The following ADCY7 variants were observed in gnomAD, a reference collection of about 807,000 sequenced individuals.
ADCY7 encodes the protein adenylate cyclase type 7.
ADCY7 carries 72 observed loss-of-function variants against 120.6 expected under a neutral mutation model. That is an observed-to-expected ratio of 0.60 (90% CI 0.49 to 0.73). ADCY7 has a LOEUF of 0.73. Ranked by LOEUF, ADCY7 falls within the 30% of genes least tolerant of loss-of-function variation. ADCY7 has a pLI of 0.00. For synonymous variants in ADCY7, 661 were observed against 628.0 expected (o/e 1.05, Z -0.78); for missense variants, 1,227 against 1,486.0 (o/e 0.83, Z 2.87).
At chr16:50,282,524 G>C (rs1426737528) in intron 1 of ADCY7, among the ~76,000 whole-genome samples, 3 of 152,190 alleles carry the variant, frequency 2.0e-5, no homozygotes, top group African/African-American at 7.2e-5. Context: ...TCGCTGGCCT[G>C]AACTTGCTCC....
At chr16:50,314,941 C>A in intron 24 of ADCY7, 73 bp from the exon 25 acceptor site, 1 of 1,582,590 alleles carries the variant, frequency 6.3e-7, no homozygotes, top group South Asian at 1.2e-5. Context: ...GGTATGGATT[C>A]TCTGGCCTCC....
chr16:50,248,627 C>T (rs2032661588), intron 1 of ADCY7, among the ~76,000 whole-genome samples: 2 of 152,256 alleles, frequency 1.3e-5, no homozygotes, highest in East Asian at 1.9e-4. Flanking sequence ...CTTATTTAGT[C>T]GTGCTTTCTG....
chr16:50,278,849 G>A lies in ADCY7; in HGVS notation c.-268-9063G>A, dbSNP rs577983882. Among the ~76,000 whole-genome samples the A allele has an allele frequency of 1.4e-4, 20 of 145,082 alleles. No homozygotes were observed. In the East Asian group the frequency reaches 3.5e-3, roughly 26 times the overall value. On this transcript the variant is annotated intron_variant, in intron 1 of 25. Coordinates refer to ENST00000673801, the MANE Select transcript of ADCY7 (RefSeq NM_001114.5). Reference sequence around the variant, plus strand: ...CTGGGTTGCATCTGTCCATGGGCCCGTGAAATGGATCTCTCTCTCTCTCTC... The same window carrying A: ...CTGGGTTGCATCTGTCCATGGGCCCATGAAATGGATCTCTCTCTCTCTCTC...
intron 1 of ADCY7, among the ~76,000 whole-genome samples, chr16:50,261,116 A>G (rs945899624): frequency 2.6e-5 from 4 of 152,180 alleles, no homozygotes; most frequent in Non-Finnish European, 5.9e-5. Flanking sequence ...GGACCACCTG[A>G]GTCTCACACC....
At chr16:50,307,625 C>T (rs367775938) in intron 15 of ADCY7, among the ~76,000 whole-genome samples, 224 of 152,248 alleles carry the variant, frequency 1.5e-3, no homozygotes, top group African/African-American at 5.1e-3. Flanking sequence ...GATCTAAGGT[C>T]AGCTACTTGG....
At position 50,315,569 on chromosome 16, in the gene ADCY7, G is replaced by A; in HGVS notation, c.*64G>A. On this transcript the variant is annotated 3_prime_UTR_variant, in exon 26 of 26. Coordinates refer to ENST00000673801, the MANE Select transcript of ADCY7 (RefSeq NM_001114.5). ...CTCCTTCCCTGAAGCAAGCCCAGGA[G>A]AAGACTCTCCGCCCCACGCCAATCC... 6.3e-7 allele frequency: 1 copy of A among 1,580,152 alleles called. No homozygotes were observed.
chr16:50,290,663 A>G lies in ADCY7; in HGVS notation c.375+3A>G. On this transcript the variant is annotated splice_donor_region_variant and intron_variant, in intron 3 of 25. Transcript: ENST00000673801. ...AGGCGGCCTGTGCGTGGGAGCAGGT[A>G]ACAGGAACTCTGGACTCCCTGCCAG... 2 of 1,611,060 alleles carry G rather than the reference A, an allele frequency of 1.2e-6. No individual in the cohort carries two copies. The highest frequency in any genetic ancestry group is 1.7e-6 in the Non-Finnish European group (2 of 1,177,864).
At chr16:50,274,183 GTTTTTTGGCC>G (rs938416840) in intron 1 of ADCY7, 1 of 152,232 alleles carries the variant, frequency 6.6e-6, no homozygotes, top group Non-Finnish European at 1.5e-5. Context: ...CTCTAGAGGC[GTTTTTTGGCC>G]AAGGGGTGAG....
Position 50,314,122 on chromosome 16 carries a change from CCTTA to C in ADCY7, c.2856+65_2856+68del, listed in dbSNP as rs571243078. 329 of 1,538,244 alleles carry C rather than the reference CCTTA, an allele frequency of 2.1e-4. No individual in the cohort carries two copies. The South Asian group carries it at 2.8e-3, about 13-fold the overall frequency. On this transcript the variant is annotated intron_variant, in intron 23 of 25. Transcript: ENST00000673801. The stretch of plus-strand genomic sequence containing the variant: ...GTCCTCACTTAAAGGTGACCTGTCA[CCTTA>C]CTTAAAGGGTGTGCCCTTATCTCGT...
chr16:50,303,234 C>T (rs566811356), intron 10 of ADCY7, among the ~76,000 whole-genome samples: 157 of 152,294 alleles, frequency 1.0e-3, no homozygotes, highest in Admixed American at 1.4e-3. Flanking sequence ...AGGGCCAGCG[C>T]GCTCTTCCTG....
intron 17 of ADCY7, among the ~76,000 whole-genome samples, 197 bp from the exon 18 acceptor site, chr16:50,309,351 C>G (rs943987376): frequency 1.3e-5 from 2 of 152,268 alleles, no homozygotes; most frequent in Non-Finnish European, 2.9e-5. Context: ...ACCCTCATCT[C>G]CTAGCCCCTC....
intron 10 of ADCY7, among the ~76,000 whole-genome samples, chr16:50,303,250 G>T (rs2035849281): frequency 6.6e-6 from 1 of 152,146 alleles, no homozygotes; most frequent in Non-Finnish European, 1.5e-5. Flanking sequence ...TCCTGCTCTG[G>T]GACACTCACC....
chr16:50,311,805 C>T lies in ADCY7; in HGVS notation c.2448+19C>T, dbSNP rs187135669. ...CAGACAGGTAAGGAGGCTGGCCCCC[C>T]CCCCCCCCCCAAGCTCTGCCCACTT... On this transcript the variant is annotated intron_variant, in intron 20 of 25. Coordinates refer to ENST00000673801, the MANE Select transcript of ADCY7 (RefSeq NM_001114.5). The T allele has an allele frequency of 4.5e-5, 59 of 1,310,612 alleles. No individual in the cohort carries two copies. The South Asian group carries it at 6.3e-4, about 14-fold the overall frequency. The allele number at this position is 1,310,612 out of a possible 1,614,324, so 81.2% of individuals were successfully genotyped here.
chr16:50,260,110 C>T (rs1054881661), intron 1 of ADCY7, among the ~76,000 whole-genome samples: 2 of 152,232 alleles, frequency 1.3e-5, no homozygotes, highest in African/African-American at 2.4e-5. Context: ...GTCAGCCCTG[C>T]TCTGTCCTCC....
chr16:50,258,302 A>C (rs1467631517), intron 1 of ADCY7, among the ~76,000 whole-genome samples: 1 of 152,102 alleles, frequency 6.6e-6, no homozygotes, highest in Non-Finnish European at 1.5e-5. Context: ...ATGTTTCTTC[A>C]GTTTTTCATC....
intron 21 of ADCY7, 108 bp from the exon 22 acceptor site, chr16:50,312,782 A>C (rs2036558817): frequency 5.4e-5 from 38 of 700,512 alleles, no homozygotes; most frequent in Non-Finnish European, 7.0e-5. Context: ...CCACTCCCCG[A>C]AAGCTGGGCT....
Position 50,301,192 on chromosome 16 carries a change from C to T in ADCY7, c.1346C>T (p.Thr449Ile). 6.2e-7 allele frequency: 1 copy of T among 1,605,446 alleles called. No homozygotes were observed. Among genetic ancestry groups the T allele is most frequent in the Non-Finnish European group, 8.5e-7 (1 of 1,176,098 alleles). The change falls in exon 10 of 26, where the codon ACC (threonine) becomes ATC (isoleucine). Residue 449 changes from threonine to isoleucine, a missense_variant. Coordinates refer to ENST00000673801, the MANE Select transcript of ADCY7 (RefSeq NM_001114.5). ...DPYLKEMNIR[T>I]YLVIDPRSQQ... ...TACCTCAAGGAGATGAACATCCGCA[C>T]CTACCTGGTCATCGACCCCCGGGTA...
rs2035462086 is a variant in ADCY7 at position 50,297,914 on chromosome 16, C to T, written c.949-990C>T. On this transcript the variant is annotated intron_variant, in intron 7 of 25. Transcript: ENST00000673801. The surrounding 1 kb of genome is among the most constrained non-coding windows in gnomAD (Gnocchi z 4.4). Reference sequence around the variant, plus strand: ...GGGGAGAGCAGAGGCAGATGGCGCTCCTTCTTCAGCTCCCCTAAAGCCCCA... The same window carrying T: ...GGGGAGAGCAGAGGCAGATGGCGCTTCTTCTTCAGCTCCCCTAAAGCCCCA... Among the ~76,000 whole-genome samples, 1 of 152,068 alleles carries T rather than the reference C, an allele frequency of 6.6e-6. No individual in the cohort carries two copies. The highest frequency in any genetic ancestry group is 1.5e-5 in the Non-Finnish European group (1 of 68,006).
At chr16:50,311,814 C>CCCCAA (rs2151089715) in intron 20 of ADCY7, 28 bp downstream of exon 20, 1 of 1,256,072 alleles carries the variant, frequency 8.0e-7, no homozygotes, top group East Asian at 2.8e-5. Flanking sequence ...CCCCCCCCCC[C>CCCCAA]CAAGCTCTGC....
Sources: allele counts gnomAD v4.1 joint callset (sites outside exome capture counted in the v4.1 genomes callset), GRCh38; gene constraint gnomAD v4.1.1; non-coding constraint Gnocchi (gnomAD v3.1); transcripts MANE v1.5; gene names NCBI Gene and HGNC (gene_info 2026-07-23, HGNC 2026-07-21).